The following KANK1 variants were observed in gnomAD, a reference collection of about 807,000 sequenced individuals.
The protein encoded by KANK1 is KN motif and ankyrin repeat domains 1.
In KANK1, 109 loss-of-function variants were observed where a neutral mutation model predicts 106.2. That is an observed-to-expected ratio of 1.03 (90% CI 0.88 to 1.20). The LOEUF is 1.20. KANK1 is among the 50% of genes most tolerant of loss of function. The pLI is 0.00. For missense variants in KANK1, 2,399 were observed against 1,710.7 expected (o/e 1.40, Z -7.10); for synonymous variants, 873 against 652.2 (o/e 1.34, Z -5.16).
chr9:606,752 G>T (rs1490326826), intron 1 of KANK1, among the ~76,000 whole-genome samples: 1 of 151,488 alleles, frequency 6.6e-6, no homozygotes, highest in East Asian at 1.9e-4. Context: ...ATTTTTATCT[G>T]TTTGTGGAGA....
intron 3 of KANK1, among the ~76,000 whole-genome samples, chr9:484,076 T>C (rs1477803685): frequency 1.3e-5 from 2 of 152,222 alleles, no homozygotes; most frequent in African/African-American, 4.8e-5. Context: ...CCTTCAGCTT[T>C]AGAGATTCAG....
At chr9:676,682 C>T (rs1006488584) in intron 1 of KANK1, among the ~76,000 whole-genome samples, 1 of 152,208 alleles carries the variant, frequency 6.6e-6, no homozygotes, top group East Asian at 1.9e-4. Context: ...GTAGAGACCC[C>T]CTTTCAGTAT....
rs199751424 is a variant in KANK1, at chr9:632,992, C to A, written c.-83-43898C>A. ...TACAGGCGTGAGCCACTGCTCCCAGCCTGAGAGTGAGTGTTTTAGCAAAGC... is the reference window on the plus strand; with the variant it reads ...TACAGGCGTGAGCCACTGCTCCCAGACTGAGAGTGAGTGTTTTAGCAAAGC... On this transcript the variant is annotated intron_variant, in intron 1 of 11. Coordinates refer to ENST00000382297, the MANE Select transcript of KANK1 (RefSeq NM_015158.5). Among the ~76,000 whole-genome samples, 8 of 152,182 alleles carry A rather than the reference C, an allele frequency of 5.3e-5. No individual in the cohort carries two copies. The South Asian group carries it at 1.2e-3, about 24-fold the overall frequency.
upstream of KANK1, among the ~76,000 whole-genome samples, chr9:501,684 A>G (rs889757617): frequency 3.3e-5 from 5 of 151,714 alleles, no homozygotes; most frequent in African/African-American, 1.2e-4. Flanking sequence ...TGTGAAAATT[A>G]CTGCTGAGAG....
chr9:536,849 G>A (rs966836652), intron 1 of KANK1, among the ~76,000 whole-genome samples: 3 of 152,202 alleles, frequency 2.0e-5, no homozygotes, highest in African/African-American at 7.2e-5. Flanking sequence ...ACACAATACA[G>A]TTAACTCTCT....
intron 1 of KANK1, among the ~76,000 whole-genome samples, chr9:598,418 A>G: frequency 6.6e-6 from 1 of 151,410 alleles, no homozygotes; most frequent in Non-Finnish European, 1.5e-5. Context: ...AGTTTTGATA[A>G]GGAGTACATT....
At chr9:726,034 G>C (rs1215587518) in intron 3 of KANK1, among the ~76,000 whole-genome samples, 1 of 152,172 alleles carries the variant, frequency 6.6e-6, no homozygotes, top group Non-Finnish European at 1.5e-5. Context: ...AGTGTTAAAT[G>C]GGTTTCCTGT....
intron 1 of KANK1, among the ~76,000 whole-genome samples, chr9:667,155 T>A (rs1844823161): frequency 6.6e-6 from 1 of 152,028 alleles, no homozygotes; most frequent in Admixed American, 6.5e-5. Context: ...GTTTTCTCTT[T>A]CTTCGTGGTT....
chr9:608,029 T>G lies in KANK1; in HGVS notation c.-83-68861T>G, dbSNP rs561161549. On this transcript the variant is annotated intron_variant, in intron 1 of 11. Transcript: ENST00000382297. ...ACTTTCAGAATTATTATTATTATTA[T>G]TATTATTTTTTTTTTTTTTGAGACG... Among the ~76,000 whole-genome samples the G allele has an allele frequency of 5.6e-5, 4 of 71,832 alleles. No individual in the cohort carries two copies. In the South Asian group the frequency reaches 2.0e-3, roughly 36 times the overall value. The allele number at this position is 71,832 out of a possible 152,430, so 47.1% of individuals were successfully genotyped here.
chr9:573,991 GGGCTGTGCCCATCCGCC>G (rs1819884163), intron 1 of KANK1, among the ~76,000 whole-genome samples: 1 of 152,208 alleles, frequency 6.6e-6, no homozygotes, highest in African/African-American at 2.4e-5. Context: ...GGAGATTAAT[GGGCTGTGCCCATCCGCC>G]GCAGCTCTGT....
At chr9:705,441 G>A (rs986071426) in intron 2 of KANK1, among the ~76,000 whole-genome samples, 1 of 152,056 alleles carries the variant, frequency 6.6e-6, no homozygotes, top group East Asian at 1.9e-4. Context: ...AGCCAAGATG[G>A]CGCCACTGCA....
chr9:519,185 C>A (rs1019300790), intron 1 of KANK1, among the ~76,000 whole-genome samples: 36 of 151,666 alleles, frequency 2.4e-4, no homozygotes, highest in African/African-American at 8.5e-4. Context: ...ACACTGCGCC[C>A]AGTGTCTTTC....
At chr9:499,970 G>T (rs1056980437), upstream of KANK1, among the ~76,000 whole-genome samples, 3 of 152,158 alleles carry the variant, frequency 2.0e-5, no homozygotes, top group East Asian at 5.8e-4. Flanking sequence ...TAACAAGTTT[G>T]TTTGTAATAT....
intron 6 of KANK1, chr9:732,897 G>T: frequency 3.8e-6 from 1 of 263,448 alleles, no homozygotes; most frequent in Non-Finnish European, 7.2e-6. Context: ...AACTTGCATT[G>T]TTTGAACACC....
chr9:601,757 A>G (rs1171019994), intron 1 of KANK1, among the ~76,000 whole-genome samples: 1 of 151,832 alleles, frequency 6.6e-6, no homozygotes, highest in Non-Finnish European at 1.5e-5. Context: ...ACATGCTTCC[A>G]TCTTTTTTCA....
intron 1 of KANK1, among the ~76,000 whole-genome samples, chr9:593,197 A>AG (rs1825393737): frequency 6.6e-6 from 1 of 151,980 alleles, no homozygotes; most frequent in South Asian, 2.1e-4. Flanking sequence ...CCTTTGGCAG[A>AG]CCATGTGTTC....
intron 1 of KANK1, among the ~76,000 whole-genome samples, chr9:658,360 A>C (rs1022831): frequency 0.16 from 23,890 of 152,046 alleles, 2,057 homozygotes; most frequent in Admixed American, 0.18. Flanking sequence ...CTCATAACCT[A>C]GCCTCTGCTT....
In KANK1 at chr9:730,565, C is replaced by T. The variant is rs202144385; in HGVS notation, c.2896+317C>T. 39 of 342,914 alleles carry T rather than the reference C, an allele frequency of 1.1e-4. No homozygotes were observed. In the East Asian group the frequency reaches 2.8e-3, roughly 25 times the overall value. 21.2% of individuals were successfully genotyped at this position (342,914 alleles called of 1,614,324 possible). A position where few individuals can be genotyped will look rare whatever the true frequency, so the allele number is the denominator to read the frequency against. On this transcript the variant is annotated intron_variant, in intron 4 of 11. Transcript: ENST00000382297. ...AAAATTAGCCAGGCATGGTGGTGCA[C>T]ACCTGTAGTCCCAGCTACTCCGGCG...
chr9:601,593 TC>T (rs1827760388), intron 1 of KANK1, among the ~76,000 whole-genome samples: 1 of 151,920 alleles, frequency 6.6e-6, no homozygotes. Context: ...GATGTCAGTT[TC>T]CCTTATTGCT....
Sources: allele counts gnomAD v4.1 joint callset (sites outside exome capture counted in the v4.1 genomes callset), GRCh38; gene constraint gnomAD v4.1.1; transcripts MANE v1.5; gene names NCBI Gene and HGNC (gene_info 2026-07-23, HGNC 2026-07-21).